The following WDR72 variants were observed in gnomAD, a reference collection of about 807,000 sequenced individuals.
The protein encoded by WDR72 is WD repeat domain 72.
WDR72 carries 120 observed loss-of-function variants against 124.2 expected under a neutral mutation model. That is an observed-to-expected ratio of 0.97 (90% confidence interval 0.83 to 1.12). The LOEUF (loss-of-function observed/expected upper bound fraction) is 1.12. Among genes scored for constraint, WDR72 ranks in the 50% most tolerant of loss-of-function variants. The probability of loss-of-function intolerance (pLI) is 0.00; values close to 1 mark genes in which losing one functional copy is unlikely to be tolerated. For synonymous variants in WDR72, 452 were observed against 441.7 expected (o/e 1.02, Z -0.29); for missense variants, 1,387 against 1,278.8 (o/e 1.08, Z -1.29).
chr15:53,609,985 T>C (rs973554226), intron 16 of WDR72, among the ~76,000 whole-genome samples: 1 of 152,118 alleles, frequency 6.6e-6, no homozygotes, highest in Non-Finnish European at 1.5e-5. Context: ...CACCAAATCT[T>C]ACAATTCCTT....
chr15:53,703,841 A>T (rs1290129495), intron 11 of WDR72, among the ~76,000 whole-genome samples: 1 of 152,212 alleles, frequency 6.6e-6, no homozygotes, highest in East Asian at 1.9e-4. Context: ...CTTCAGGCAT[A>T]TCCTCACTTT....
chr15:53,625,434 T>A (rs1469521840), intron 14 of WDR72, among the ~76,000 whole-genome samples: 1 of 152,200 alleles, frequency 6.6e-6, no homozygotes, highest in East Asian at 1.9e-4. Flanking sequence ...GAAGGTATTG[T>A]TTACAATTGG....
chr15:53,627,292 A>G (rs1466507883), intron 14 of WDR72, among the ~76,000 whole-genome samples: 1 of 152,250 alleles, frequency 6.6e-6, no homozygotes, highest in Non-Finnish European at 1.5e-5. Flanking sequence ...ACTGAGCTGT[A>G]TAAGGAAGGA....
chr15:53,645,837 A>G (rs949472368), intron 14 of WDR72, among the ~76,000 whole-genome samples: 1 of 152,180 alleles, frequency 6.6e-6, no homozygotes, highest in Non-Finnish European at 1.5e-5. Context: ...TGAAATTGCT[A>G]GATTAACCTT....
chr15:53,733,247 G>A (rs2018256301), intron 1 of WDR72, 86 bp from the exon 2 acceptor site: 1 of 1,434,154 alleles, frequency 7.0e-7, no homozygotes, highest in Non-Finnish European at 9.7e-7. Flanking sequence ...GATTTATGAT[G>A]ACCAAACTTC....
At chr15:53,659,069 T>C (rs1250702672) in intron 14 of WDR72, among the ~76,000 whole-genome samples, 1 of 152,196 alleles carries the variant, frequency 6.6e-6, no homozygotes, top group African/African-American at 2.4e-5. Context: ...ACTATTCAAA[T>C]GGCACTTTGC....
chr15:53,715,153 T>C, intron 5 of WDR72, 40 bp downstream of exon 5: 2 of 1,596,516 alleles, frequency 1.3e-6, no homozygotes, highest in Non-Finnish European at 1.7e-6. Context: ...GATATTTTTA[T>C]ATGCAATCTC....
intron 17 of WDR72, among the ~76,000 whole-genome samples, chr15:53,606,311 A>G (rs2013280495): frequency 6.6e-6 from 1 of 152,138 alleles, no homozygotes; most frequent in Non-Finnish European, 1.5e-5. Context: ...CTCACTTTTA[A>G]TAGATAAACC....
In WDR72 at chr15:53,733,074, T is replaced by C. The variant is rs1173989014; in HGVS notation, c.76A>G (p.Thr26Ala). The C allele has an allele frequency of 1.5e-5, 25 of 1,613,926 alleles. No homozygotes were observed. Among genetic ancestry groups the C allele is most frequent in the Non-Finnish European group, 2.1e-5 (25 of 1,179,952 alleles). Residue 26 changes from threonine (T) to alanine (A), a missense_variant, in exon 2 of 20, where the codon ACT (threonine) becomes GCT (alanine). Thr to Ala is a moderately conservative substitution (Grantham distance 58, BLOSUM62 0). Coordinates refer to ENST00000360509, the MANE Select transcript of WDR72 (RefSeq NM_182758.4). Reference sequence around the variant, plus strand: ...GTCACAATCGTTCGCTGGTCATCAGTGATCATGATGGCAGTGATGCTGTGG... The same window carrying C: ...GTCACAATCGTTCGCTGGTCATCAGCGATCATGATGGCAGTGATGCTGTGG... ...PPHSITAIMI[T>A]DDQRTIVTGS...
chr15:53,661,583 T>G (rs2015611075), intron 14 of WDR72, among the ~76,000 whole-genome samples: 1 of 152,010 alleles, frequency 6.6e-6, no homozygotes, highest in Non-Finnish European at 1.5e-5. Flanking sequence ...AGCAGGTCCT[T>G]TACAAAAAAG....
At chr15:53,648,250 C>A (rs1454346390) in intron 14 of WDR72, among the ~76,000 whole-genome samples, 1 of 152,058 alleles carries the variant, frequency 6.6e-6, no homozygotes, top group Non-Finnish European at 1.5e-5. Context: ...CTTTAAATAG[C>A]AATTATTTCC....
chr15:53,744,215 A>T (rs2018585381), intron 1 of WDR72, among the ~76,000 whole-genome samples: 1 of 152,194 alleles, frequency 6.6e-6, no homozygotes, highest in Non-Finnish European at 1.5e-5. Flanking sequence ...TAGGGGTGAG[A>T]GGAACTGAAA....
chr15:53,733,078 C>G lies in WDR72; in HGVS notation c.72G>C (p.Met24Ile). The G allele has an allele frequency of 3.1e-6, 5 of 1,614,016 alleles. No individual in the cohort carries two copies. The East Asian group carries it at 1.1e-4, about 36-fold the overall frequency. ...KAPPHSITAI[M>I]ITDDQRTIVT... ...CAATCGTTCGCTGGTCATCAGTGATCATGATGGCAGTGATGCTGTGGGGAG... is the reference window on the plus strand; with the variant it reads ...CAATCGTTCGCTGGTCATCAGTGATGATGATGGCAGTGATGCTGTGGGGAG... Residue 24 changes from methionine to isoleucine, a missense_variant, in exon 2 of 20, where the codon ATG (methionine) becomes ATC (isoleucine). Coordinates refer to ENST00000360509, the MANE Select transcript of WDR72 (RefSeq NM_182758.4).
intron 18 of WDR72, among the ~76,000 whole-genome samples, chr15:53,565,098 G>A (rs916756659): frequency 2.0e-5 from 3 of 151,836 alleles, no homozygotes; most frequent in African/African-American, 7.3e-5. Flanking sequence ...TTGGGGAAAG[G>A]TGCTGGAGAA....
chr15:53,602,226 T>G (rs2013075861), intron 17 of WDR72, among the ~76,000 whole-genome samples: 1 of 152,036 alleles, frequency 6.6e-6, no homozygotes, highest in Admixed American at 6.6e-5. Context: ...AATAACCTAC[T>G]CCTGAATGAC....
chr15:53,640,902 T>C (rs1212101689), intron 14 of WDR72, among the ~76,000 whole-genome samples: 2 of 137,332 alleles, frequency 1.5e-5, no homozygotes, highest in Non-Finnish European at 1.7e-5. Context: ...TAATACTTTA[T>C]TGAATATTAC....
intron 18 of WDR72, among the ~76,000 whole-genome samples, chr15:53,533,086 C>T (rs978413524): frequency 6.6e-6 from 1 of 152,032 alleles, no homozygotes; most frequent in Admixed American, 6.6e-5. Context: ...ACACAATCAA[C>T]CAACCACAAG....
intron 18 of WDR72, among the ~76,000 whole-genome samples, chr15:53,543,727 CA>C: frequency 6.6e-6 from 1 of 151,848 alleles, no homozygotes; most frequent in Non-Finnish European, 1.5e-5. Context: ...AAAAGATCAA[CA>C]AAATTGATAG....
intron 2 of WDR72, among the ~76,000 whole-genome samples, chr15:53,732,185 C>T (rs1323963651): frequency 6.6e-6 from 1 of 152,058 alleles, no homozygotes; most frequent in East Asian, 1.9e-4. Flanking sequence ...TAGAACTGTT[C>T]AGTGATGGGA....
Sources: gnomAD v4.1 joint callset for allele counts (sites outside exome capture counted in the v4.1 genomes callset) on GRCh38, gnomAD v4.1.1 for gene constraint, MANE v1.5 for transcripts, NCBI Gene and HGNC (gene_info 2026-07-23, HGNC 2026-07-21) for gene names.